HOXA3: variants seen among roughly 807,000 people sequenced by gnomAD.
HOXA3 encodes the protein homeobox A3.
HOXA3 carries 8 observed loss-of-function variants against 30.3 expected under a neutral mutation model. That is an observed-to-expected ratio of 0.26 (90% confidence interval 0.15 to 0.48). HOXA3 has a LOEUF of 0.48. HOXA3 is among the 20% of genes least tolerant of loss of function. HOXA3 has a pLI of 0.99. For missense variants in HOXA3, 653 were observed against 614.4 expected (o/e 1.06, Z -0.66); for synonymous variants, 323 against 273.1 (o/e 1.18, Z -1.80).
chr7:27,141,890 T>A, intron 1 of HOXA3: 2 of 1,614,232 alleles, frequency 1.2e-6, no homozygotes, highest in Non-Finnish European at 1.7e-6. Flanking sequence ...CAGCTTATTA[T>A]CTTTTTTCCA....
intron 4 of HOXA3, among the ~76,000 whole-genome samples, chr7:27,111,513 T>TGTGTGTGTGTG (rs1554336191): frequency 1.3e-5 from 2 of 148,478 alleles, no homozygotes; most frequent in African/African-American, 4.9e-5. Flanking sequence ...TGTGTGTGTG[T>TGTGTGTGTGTG]TTAGGGTGAG....
rs1015682022 is a variant in HOXA3 at position 27,113,947 on chromosome 7, C to T, written c.-120-3187G>A. The T allele has an allele frequency of 4.0e-5, 6 of 151,208 alleles. No homozygotes were observed. The highest frequency in any genetic ancestry group is 1.5e-4 in the African/African-American group (6 of 41,160). The allele number at this position is 151,208 out of a possible 1,614,324, so 9.4% of individuals were successfully genotyped here. A position where few individuals can be genotyped will look rare whatever the true frequency, so the allele number is the denominator to read the frequency against. On this transcript the variant is annotated intron_variant, in intron 4 of 5. Coordinates refer to ENST00000612286, the MANE Select transcript of HOXA3 (RefSeq NM_153631.3). The surrounding 1 kb of genome is among the most constrained non-coding windows in gnomAD (Gnocchi z 4.8). ...GCAGCAGCCGCGGCCCGGAGATAAGCGCTAGTGCGGCGCCGGGCTCTGCCT... is the reference window on the plus strand; with the variant it reads ...GCAGCAGCCGCGGCCCGGAGATAAGTGCTAGTGCGGCGCCGGGCTCTGCCT...
intron 4 of HOXA3, chr7:27,121,881 G>A (rs1322997267): frequency 1.3e-5 from 2 of 152,668 alleles, no homozygotes; most frequent in Admixed American, 6.5e-5. Flanking sequence ...GTCAGAACTT[G>A]AAAATAATTT....
chr7:27,108,620 C>A lies in HOXA3; in HGVS notation c.627G>T (p.Glu209Asp), dbSNP rs1562709963. Residue 209 changes from glutamate to aspartate, a missense_variant, in exon 6 of 6, where the codon GAG becomes GAT. Glu to Asp is a conservative substitution (Grantham distance 45). Coordinates refer to ENST00000612286, the MANE Select transcript of HOXA3 (RefSeq NM_153631.3). This position sits in a 1 kb window ranked among gnomAD's most constrained non-coding sequence, Gnocchi z 5.0. ...GGCACAGGTAGCGGTTGAAGTGGAA[C>A]TCTTTCTCCAGCTCCACCAGCTGCG... ...TSAQLVELEK[E>D]FHFNRYLCRP... 6.2e-7 allele frequency: 1 copy of A among 1,614,168 alleles called. No homozygotes were observed. Among genetic ancestry groups the A allele is most frequent in the Non-Finnish European group, 8.5e-7 (1 of 1,179,996 alleles).
At position 27,141,774 on chromosome 7, in the gene HOXA3, C is replaced by T. The variant is rs1459664648; in HGVS notation, c.-493-1588G>A. On this transcript the variant is annotated intron_variant, in intron 1 of 5. Transcript: ENST00000612286. Reference sequence around the variant, plus strand: ...ACACAAGGGAGTTTCAGAAAGTCACCTTAGTACTGACACTACGCGGGATCC... The same window carrying T: ...ACACAAGGGAGTTTCAGAAAGTCACTTTAGTACTGACACTACGCGGGATCC... 3 of 1,576,744 alleles carry T rather than the reference C, an allele frequency of 1.9e-6. No individual in the cohort carries two copies. The African/African-American group carries it at 4.1e-5, about 21-fold the overall frequency.
intron 1 of HOXA3, among the ~76,000 whole-genome samples, chr7:27,148,707 G>A (rs995650406): frequency 3.3e-5 from 5 of 152,266 alleles, no homozygotes; most frequent in African/African-American, 1.2e-4. Flanking sequence ...GTGAGACTGG[G>A]CTCCTAAGAC....
At chr7:27,148,434 G>A (rs1314333147) in intron 1 of HOXA3, among the ~76,000 whole-genome samples, 1 of 152,248 alleles carries the variant, frequency 6.6e-6, no homozygotes, top group Non-Finnish European at 1.5e-5. Context: ...TTCTCCGCTA[G>A]CACCAGGGGC....
At chr7:27,129,493 T>C in intron 2 of HOXA3, 2 of 1,614,136 alleles carry the variant, frequency 1.2e-6, no homozygotes, top group Non-Finnish European at 1.7e-6. Context: ...GTGGAACTCC[T>C]TCTCCAGCTC....
At chr7:27,146,153 C>T (rs1782757151) in intron 1 of HOXA3, among the ~76,000 whole-genome samples, 1 of 152,152 alleles carries the variant, frequency 6.6e-6, no homozygotes, top group South Asian at 2.1e-4. Flanking sequence ...AAATCTGCCT[C>T]ATAGGAAAAC....
chr7:27,144,933 G>T (rs1782697337), intron 1 of HOXA3, among the ~76,000 whole-genome samples: 1 of 152,202 alleles, frequency 6.6e-6, no homozygotes, highest in Non-Finnish European at 1.5e-5. Context: ...GGCGCTATCG[G>T]AGGCTGGGAG....
chr7:27,140,081 A>G lies in HOXA3; in HGVS notation c.-390+2T>C, dbSNP rs1162674588. Reference sequence around the variant, plus strand: ...TTGAAAGCGCTCAGGAGGCGAGCTTACCTTAACTCGGAGGGAGCCATTTTT... The same window carrying G: ...TTGAAAGCGCTCAGGAGGCGAGCTTGCCTTAACTCGGAGGGAGCCATTTTT... On this transcript the variant is annotated splice_donor_variant, in intron 2 of 5. Transcript: ENST00000612286. LOFTEE classifies it low-confidence loss of function (5UTR_SPLICE). 1 of 151,664 alleles carries G rather than the reference A, an allele frequency of 6.6e-6. No individual in the cohort carries two copies. Among genetic ancestry groups the G allele is most frequent in the Non-Finnish European group, 1.5e-5 (1 of 67,962 alleles). The allele number at this position is 151,664 out of a possible 1,614,324, so 9.4% of individuals were successfully genotyped here. A position where few individuals can be genotyped will look rare whatever the true frequency, so the allele number is the denominator to read the frequency against.
chr7:27,117,603 T>C lies in HOXA3; in HGVS notation c.-121+4956A>G, dbSNP rs543953043. Among the ~76,000 whole-genome samples the C allele has an allele frequency of 2.0e-5, 3 of 152,294 alleles. No homozygotes were observed. In the East Asian group the frequency reaches 5.8e-4, roughly 29 times the overall value. ...GCAATCTGGCACTAAACAAAGTGCC[T>C]GGAAGCATCATCAATAAAATGGCAG... On this transcript the variant is annotated intron_variant, in intron 4 of 5. Transcript: ENST00000612286.
Position 27,107,029 on chromosome 7 carries a change from T to A in HOXA3, c.*886A>T, listed in dbSNP as rs1246340423. 4.6e-5 allele frequency: 7 copies of A among 152,670 alleles called. No homozygotes were observed. The allele number at this position is 152,670 out of a possible 1,614,324, so 9.5% of individuals were successfully genotyped here. The stretch of plus-strand genomic sequence containing the variant: ...CGGATATTATTCAGAATAAAAACTT[T>A]ATTTCTTTTTGTTTCTCAGAATGTG... On this transcript the variant is annotated 3_prime_UTR_variant, in exon 6 of 6. Coordinates refer to ENST00000612286, the MANE Select transcript of HOXA3 (RefSeq NM_153631.3).
intron 1 of HOXA3, chr7:27,143,293 G>C: frequency 6.2e-7 from 1 of 1,602,502 alleles, no homozygotes; most frequent in Non-Finnish European, 8.5e-7. Context: ...AGGGGGCCAC[G>C]GCGGAGCAGG....
At chr7:27,143,633 T>G (rs1782654282) in intron 1 of HOXA3, 2 of 1,567,104 alleles carry the variant, frequency 1.3e-6, no homozygotes, top group Non-Finnish European at 1.7e-6. Context: ...TGTGCTTGAT[T>G]TGTGGCTCGC....
chr7:27,119,690 G>C (rs555321366), intron 4 of HOXA3: 26 of 152,300 alleles, frequency 1.7e-4, no homozygotes, highest in African/African-American at 6.0e-4. Context: ...AGGAGGCTGT[G>C]CATGATTCCT....
At chr7:27,147,757 C>T in intron 1 of HOXA3, 1 of 1,600,812 alleles carries the variant, frequency 6.2e-7, no homozygotes, top group South Asian at 1.1e-5. Context: ...CATTTGCGCG[C>T]CCCTCTGCAG....
At chr7:27,143,035 G>T (rs1027345422) in intron 1 of HOXA3, 9 of 1,500,816 alleles carry the variant, frequency 6.0e-6, no homozygotes, top group Non-Finnish European at 8.0e-6. Flanking sequence ...TTAGAAAAAG[G>T]CTGGCTTTAC....
At chr7:27,130,102 AAGCGGCGCCAC>A in intron 2 of HOXA3, 1 of 1,584,954 alleles carries the variant, frequency 6.3e-7, no homozygotes, top group Non-Finnish European at 8.6e-7. Context: ...CGCGCCTCCC[AAGCGGCGCCAC>A]GTACCGGCGC....
Sources: allele counts gnomAD v4.1 joint callset (sites outside exome capture counted in the v4.1 genomes callset), GRCh38; gene constraint gnomAD v4.1.1; non-coding constraint Gnocchi (gnomAD v3.1); transcripts MANE v1.5; gene names NCBI Gene and HGNC (gene_info 2026-07-23, HGNC 2026-07-21).